FSHR: variants seen among roughly 807,000 people sequenced by gnomAD.
FSHR encodes follicle stimulating hormone receptor.
FSHR carries 46 observed loss-of-function variants against 52.1 expected under a neutral mutation model. The ratio of observed to expected loss-of-function variants is 0.88; its 90% confidence interval spans 0.70 to 1.13. The LOEUF (loss-of-function observed/expected upper bound fraction) is 1.13. Ranked by LOEUF, FSHR falls within the 50% of genes most tolerant of loss-of-function variation. The probability of loss-of-function intolerance (pLI) is 0.00; values close to 1 mark genes in which losing one functional copy is unlikely to be tolerated. For missense variants in FSHR, 964 were observed against 834.6 expected (o/e 1.16, Z -1.91); for synonymous variants, 399 against 309.6 (o/e 1.29, Z -3.03).
At position 49,062,023 on chromosome 2, in the gene FSHR, A is replaced by G. The variant is rs548134727; in HGVS notation, c.224+6196T>C. Reference sequence around the variant, plus strand: ...ATCATCTGGACAGAAAATCAACATTATGAACATTAAATTTAAATTGCAATT... The same window carrying G: ...ATCATCTGGACAGAAAATCAACATTGTGAACATTAAATTTAAATTGCAATT... On this transcript the variant is annotated intron_variant, in intron 2 of 9. Transcript: ENST00000406846. Among the ~76,000 whole-genome samples, 294 of 151,802 alleles carry G rather than the reference A, an allele frequency of 1.9e-3. 1 individual carries two copies. Among genetic ancestry groups the G allele is most frequent in the African/African-American group, 6.8e-3 (282 of 41,448 alleles).
chr2:49,104,353 C>T (rs1383950719), intron 1 of FSHR, among the ~76,000 whole-genome samples: 1 of 152,090 alleles, frequency 6.6e-6, no homozygotes, highest in Non-Finnish European at 1.5e-5. Flanking sequence ...CACAGAGAGG[C>T]CCCCTGAACC....
At chr2:49,074,847 A>T (rs1669888139) in intron 1 of FSHR, among the ~76,000 whole-genome samples, 1 of 152,200 alleles carries the variant, frequency 6.6e-6, no homozygotes, top group Non-Finnish European at 1.5e-5. Context: ...GCCATAGAAT[A>T]AAATCCTTAG....
At chr2:49,020,338 T>C (rs1358898119) in intron 2 of FSHR, among the ~76,000 whole-genome samples, 178 bp from the exon 3 acceptor site, 1 of 152,164 alleles carries the variant, frequency 6.6e-6, no homozygotes. Context: ...AGGCTAACAC[T>C]TACCGAACAA....
chr2:49,042,971 T>C (rs991499895), intron 2 of FSHR, among the ~76,000 whole-genome samples: 3 of 152,124 alleles, frequency 2.0e-5, no homozygotes, highest in African/African-American at 4.8e-5. Context: ...AGGAAGAATA[T>C]AGCAGATCCT....
chr2:49,138,171 C>G (rs1672552355), intron 1 of FSHR, among the ~76,000 whole-genome samples: 1 of 152,102 alleles, frequency 6.6e-6, no homozygotes, highest in East Asian at 1.9e-4. Context: ...AATGAAATAG[C>G]ACTTTATACT....
chr2:49,026,687 G>A (rs940916277), intron 2 of FSHR, among the ~76,000 whole-genome samples: 6 of 152,188 alleles, frequency 3.9e-5, no homozygotes, highest in African/African-American at 1.4e-4. Context: ...CAGAAGTGGA[G>A]GACAGTGTGG....
At chr2:49,082,679 C>T (rs1477785451) in intron 1 of FSHR, among the ~76,000 whole-genome samples, 4 of 152,026 alleles carry the variant, frequency 2.6e-5, no homozygotes, top group African/African-American at 9.7e-5. Context: ...AACCAAGGCT[C>T]AAGAACTACG....
chr2:49,032,377 T>C (rs1668130276), intron 2 of FSHR, among the ~76,000 whole-genome samples: 1 of 152,204 alleles, frequency 6.6e-6, no homozygotes, highest in South Asian at 2.1e-4. Context: ...TGGCAGGCTC[T>C]CAATTTTTAT....
intron 2 of FSHR, among the ~76,000 whole-genome samples, chr2:49,063,311 A>G (rs895903259): frequency 6.6e-6 from 1 of 152,178 alleles, no homozygotes; most frequent in African/African-American, 2.4e-5. Flanking sequence ...GGAAATCTTC[A>G]TCAGTGCTGT....
Position 49,060,183 on chromosome 2 carries a change from C to T in FSHR, c.224+8036G>A, listed in dbSNP as rs181195982. On this transcript the variant is annotated intron_variant, in intron 2 of 9. Transcript: ENST00000406846. ...CACACCATTTGGGATGGTTATTAAA[C>T]GAAAAAAATACCGGTGAGGATGCAG... Among the ~76,000 whole-genome samples, 1,096 of 151,650 alleles carry T rather than the reference C, an allele frequency of 7.2e-3. 7 individuals carry two copies. Among genetic ancestry groups the T allele is most frequent in the Middle Eastern group, 0.034 (10 of 294 alleles).
At chr2:49,067,338 CTA>C (rs1669544072) in intron 2 of FSHR, among the ~76,000 whole-genome samples, 1 of 152,000 alleles carries the variant, frequency 6.6e-6, no homozygotes, top group African/African-American at 2.4e-5. Flanking sequence ...TCAGGAAGTA[CTA>C]TTCTTAAAGG....
chr2:49,006,363 C>T (rs1007136445), intron 4 of FSHR, among the ~76,000 whole-genome samples: 7 of 152,104 alleles, frequency 4.6e-5, no homozygotes, highest in East Asian at 3.9e-4. Context: ...TTTCCTACTG[C>T]GTTAGGCTTA....
intron 4 of FSHR, among the ~76,000 whole-genome samples, chr2:48,990,869 G>C (rs1353960713): frequency 2.0e-5 from 3 of 147,828 alleles, no homozygotes; most frequent in Non-Finnish European, 4.5e-5. Context: ...GTCACAAGGG[G>C]ATTAGGATGC....
intron 1 of FSHR, among the ~76,000 whole-genome samples, chr2:49,086,603 G>T (rs1040640930): frequency 6.6e-6 from 1 of 152,160 alleles, no homozygotes; most frequent in Non-Finnish European, 1.5e-5. Flanking sequence ...TCTCCTGGAG[G>T]TGGGTGTGCT....
At chr2:49,021,884 T>G (rs62165294) in intron 2 of FSHR, among the ~76,000 whole-genome samples, 653 of 36,444 alleles carry the variant, frequency 0.018, 7 homozygotes, top group Middle Eastern at 0.051. Context: ...TATATATATA[T>G]ATAGAGAGAG....
At chr2:49,071,943 T>A (rs1572705966) in intron 1 of FSHR, among the ~76,000 whole-genome samples, 2 of 152,228 alleles carry the variant, frequency 1.3e-5, no homozygotes, top group South Asian at 4.1e-4. Context: ...CACAGTCACC[T>A]CCCACTAGGT....
intron 1 of FSHR, among the ~76,000 whole-genome samples, chr2:49,074,066 G>C (rs754223951): frequency 6.6e-6 from 1 of 151,924 alleles, no homozygotes; most frequent in Non-Finnish European, 1.5e-5. Context: ...CTAAATATAA[G>C]ACCTGAAATG....
At chr2:49,008,907 A>T (rs545204690) in intron 4 of FSHR, among the ~76,000 whole-genome samples, 2 of 151,614 alleles carry the variant, frequency 1.3e-5, no homozygotes, top group Middle Eastern at 3.2e-3. Context: ...GTTTGAGTTC[A>T]TTGTAGATTC....
intron 1 of FSHR, among the ~76,000 whole-genome samples, chr2:49,134,359 A>G (rs969068546): frequency 6.6e-5 from 10 of 152,234 alleles, no homozygotes; most frequent in African/African-American, 2.4e-4. Flanking sequence ...TCGAAACCAC[A>G]ATGAGATACC....
Sources: allele counts gnomAD v4.1 joint callset (sites outside exome capture counted in the v4.1 genomes callset), GRCh38; gene constraint gnomAD v4.1.1; transcripts MANE v1.5; gene names NCBI Gene and HGNC (gene_info 2026-07-23, HGNC 2026-07-21).